Variants in TPRG1 observed in about 807,000 individuals in gnomAD.
TPRG1 encodes tumor protein p63-regulated gene 1 protein.
A neutral mutation model predicts 29.3 loss-of-function variants in TPRG1; 29 were observed. The observed-to-expected ratio is 0.99, with a 90% CI of 0.74 to 1.35. The LOEUF (loss-of-function observed/expected upper bound fraction) is 1.35, where lower values mean the gene tolerates loss of function less well. Ranked by LOEUF, TPRG1 falls within the 40% of genes most tolerant of loss-of-function variation. The pLI, the probability that TPRG1 is intolerant of heterozygous loss-of-function variation, is 0.00. For missense variants in TPRG1, 327 were observed against 335.0 expected, an observed-to-expected ratio of 0.98 and a Z score of 0.19; for synonymous variants, 130 against 116.8, an observed-to-expected ratio of 1.11 and a Z score of -0.73.
chr3:189,266,097 C>G (rs1376990509), intron 4 of TPRG1, among the ~76,000 whole-genome samples: 1 of 152,098 alleles, frequency 6.6e-6, no homozygotes, highest in Non-Finnish European at 1.5e-5. Context: ...CCAGACTTGT[C>G]ACTTAATGGC....
intron 4 of TPRG1, among the ~76,000 whole-genome samples, chr3:189,060,227 C>T (rs140077921): frequency 1.3e-5 from 2 of 152,130 alleles, no homozygotes; most frequent in East Asian, 1.9e-4. Flanking sequence ...AGCGAAAATC[C>T]GTCTCAAAAA....
intron 4 of TPRG1, among the ~76,000 whole-genome samples, chr3:189,286,985 G>C (rs1395179440): frequency 6.6e-6 from 1 of 152,078 alleles, no homozygotes; most frequent in Non-Finnish European, 1.5e-5. Context: ...GATTAACAGA[G>C]GCTTATACAG....
rs150084553 is a variant in TPRG1 at position 189,260,826 on chromosome 3, A to G, written c.479+21917A>G. ...TTAGTGTCAGCAGGTGGAGGGAGGA[A>G]GGAGGGCATCGCAGACATCATTCTA... is the stretch of plus-strand genomic sequence containing the variant. On this transcript the variant is annotated intron_variant, in intron 4 of 5. Transcript: ENST00000345063. 1.8e-3 allele frequency among the ~76,000 whole-genome samples: 277 copies of G among 152,240 alleles called. 3 individuals carry two copies. Among genetic ancestry groups the G allele is most frequent in the Admixed American group, 0.016 (241 of 15,284 alleles).
rs56318082 is a variant in TPRG1 at position 189,134,403 on chromosome 3, C to CTT, written c.-291+1732_-291+1733dup. Among the ~76,000 whole-genome samples the CTT allele has an allele frequency of 6.5e-4, 79 of 121,176 alleles. 3 individuals are homozygous for CTT. The highest frequency in any genetic ancestry group is 1.1e-3 in the Non-Finnish European group (65 of 57,996). The allele number at this position is 121,176 out of a possible 152,430, so 79.5% of individuals were successfully genotyped here. ...CCTAGGAATAAGCAGTGGGGGTATCCTTTTTTTTTTTTTTTTTTTTTTTTT... is the reference window on the plus strand; with the variant it reads ...CCTAGGAATAAGCAGTGGGGGTATCCTTTTTTTTTTTTTTTTTTTTTTTTTTT... On this transcript the variant is annotated intron_variant, in intron 3 of 6. Transcript: ENST00000412373.
intron 3 of TPRG1, among the ~76,000 whole-genome samples, chr3:189,022,442 C>A (rs1481054486): frequency 6.6e-6 from 1 of 150,884 alleles, no homozygotes; most frequent in Non-Finnish European, 1.5e-5. Context: ...GTTAGTTTTC[C>A]TTCTAACAGA....
At chr3:189,089,288 C>T (rs1318891484) in intron 4 of TPRG1, among the ~76,000 whole-genome samples, 1 of 152,110 alleles carries the variant, frequency 6.6e-6, no homozygotes, top group Non-Finnish European at 1.5e-5. Flanking sequence ...TTTCAATCTT[C>T]TCTTCTGACT....
intron 1 of TPRG1, among the ~76,000 whole-genome samples, chr3:189,000,420 T>C (rs1447955609): frequency 6.6e-6 from 1 of 152,134 alleles, no homozygotes; most frequent in Non-Finnish European, 1.5e-5. Context: ...TTTTTATTTT[T>C]CAAAATAGTT....
intron 4 of TPRG1, among the ~76,000 whole-genome samples, chr3:189,052,729 A>T (rs1418908507): frequency 6.6e-6 from 1 of 150,700 alleles, no homozygotes; most frequent in Non-Finnish European, 1.5e-5. Flanking sequence ...AGAAACTATT[A>T]TATATATATA....
chr3:189,030,256 G>T lies in TPRG1; in HGVS notation c.-463+6310G>T, dbSNP rs73890943. ...ACAAAATAAGGAAATTGTGTGAGAT[G>T]AATATTGGCATTTCAGAGTAGGTTT... On this transcript the variant is annotated intron_variant, in intron 4 of 10. Transcript: ENST00000433971. Among the ~76,000 whole-genome samples the T allele has an allele frequency of 6.8e-3, 1,032 of 152,234 alleles. 13 individuals are homozygous for T. Among genetic ancestry groups the T allele is most frequent in the African/African-American group, 0.023 (976 of 41,548 alleles).
intron 1 of TPRG1, among the ~76,000 whole-genome samples, chr3:189,116,913 A>T (rs764564998): frequency 3.3e-5 from 5 of 152,222 alleles, no homozygotes; most frequent in Non-Finnish European, 5.9e-5. Flanking sequence ...AAAAGTGGTA[A>T]AGATGGTACA....
intron 5 of TPRG1, among the ~76,000 whole-genome samples, chr3:189,158,305 G>C (rs1388153416): frequency 6.6e-6 from 1 of 152,076 alleles, no homozygotes; most frequent in South Asian, 2.1e-4. Context: ...GGGATCTAAA[G>C]CATTTTAAAA....
Position 189,076,923 on chromosome 3 carries a change from C to CATATATATAT in TPRG1, c.-462-50124_-462-50115dup, listed in dbSNP as rs150949911. On this transcript the variant is annotated intron_variant, in intron 4 of 10. Transcript: ENST00000433971. Reference sequence around the variant, plus strand: ...CACTTCACAAAAGAATATATGTGTACATATATATATATATATATAGCCAAT... The same window carrying CATATATATAT: ...CACTTCACAAAAGAATATATGTGTACATATATATATATATATATATATATATATAGCCAAT... Among the ~76,000 whole-genome samples the CATATATATAT allele has an allele frequency of 4.1e-4, 57 of 140,672 alleles. 1 individual carries two copies. Among genetic ancestry groups the CATATATATAT allele is most frequent in the African/African-American group, 1.6e-3 (55 of 34,974 alleles). The allele number at this position is 140,672 out of a possible 152,430, so 92.3% of individuals were successfully genotyped here. A position where few individuals can be genotyped will look rare whatever the true frequency, so the allele number is the denominator to read the frequency against.
rs543362675 is a variant in TPRG1, at chr3:189,321,910, T to C, written c.*1090T>C. 3 of 152,056 alleles carry C rather than the reference T, an allele frequency of 2.0e-5. No individual in the cohort carries two copies. Among genetic ancestry groups the C allele is most frequent in the South Asian group, 4.1e-4 (2 of 4,834 alleles). The allele number at this position is 152,056 out of a possible 1,614,324, so 9.4% of individuals were successfully genotyped here. On this transcript the variant is annotated 3_prime_UTR_variant, in exon 6 of 6. Coordinates refer to ENST00000345063, the MANE Select transcript of TPRG1 (RefSeq NM_198485.4). ...ATCGCAGAGGGTTTTGAAGACCATG[T>C]TTTCAAAAACACTGTCTTAACACTC...
In TPRG1 at chr3:189,312,116, T is replaced by C. The variant is rs1443895242; in HGVS notation, c.633+1577T>C. 1.9e-3 allele frequency among the ~76,000 whole-genome samples: 123 copies of C among 63,250 alleles called. 1 individual carries two copies. Among genetic ancestry groups the C allele is most frequent in the African/African-American group, 9.9e-3 (117 of 11,834 alleles). The allele number at this position is 63,250 out of a possible 152,430, so 41.5% of individuals were successfully genotyped here. A position where few individuals can be genotyped will look rare whatever the true frequency, so the allele number is the denominator to read the frequency against. On this transcript the variant is annotated intron_variant, in intron 5 of 5. Transcript: ENST00000345063. ...TTCTTTGTTTCTTTGTTTCTTTCTTTGTTTCTTTCTTTCTTTCTTTCTTTC... is the reference window on the plus strand; with the variant it reads ...TTCTTTGTTTCTTTGTTTCTTTCTTCGTTTCTTTCTTTCTTTCTTTCTTTC...
intron 4 of TPRG1, among the ~76,000 whole-genome samples, chr3:189,089,981 C>T (rs941685430): frequency 1.3e-5 from 2 of 151,716 alleles, no homozygotes; most frequent in Non-Finnish European, 2.9e-5. Context: ...ATTGATTAAT[C>T]CTAAAATCTA....
chr3:189,006,883 G>A (rs1212727970), intron 3 of TPRG1, among the ~76,000 whole-genome samples: 1 of 152,048 alleles, frequency 6.6e-6, no homozygotes, highest in Non-Finnish European at 1.5e-5. Flanking sequence ...TTGCTACAGA[G>A]ACCGCATGGC....
intron 3 of TPRG1, among the ~76,000 whole-genome samples, chr3:189,141,050 C>T (rs1055519821): frequency 4.6e-5 from 7 of 152,198 alleles, no homozygotes; most frequent in African/African-American, 1.7e-4. Flanking sequence ...AAAATAGACT[C>T]TCCTTGAAGA....
chr3:189,011,607 T>C (rs1712606079), intron 3 of TPRG1, among the ~76,000 whole-genome samples: 1 of 152,122 alleles, frequency 6.6e-6, no homozygotes, highest in African/African-American at 2.4e-5. Flanking sequence ...TCAGATCTTG[T>C]GAGACCCATT....
intron 2 of TPRG1, among the ~76,000 whole-genome samples, chr3:189,130,249 T>C (rs1344670222): frequency 6.6e-6 from 1 of 152,198 alleles, no homozygotes; most frequent in Non-Finnish European, 1.5e-5. Context: ...TCATAATTTA[T>C]AGAAAGAAGA....
Sources: gnomAD v4.1 joint callset for allele counts (sites outside exome capture counted in the v4.1 genomes callset) on GRCh38, gnomAD v4.1.1 for gene constraint, MANE v1.5 for transcripts, NCBI Gene and HGNC (gene_info 2026-07-23, HGNC 2026-07-21) for gene names.